The following PRKDC variants were observed in gnomAD, a reference collection of about 807,000 sequenced individuals.
The protein encoded by PRKDC is DNA-dependent protein kinase catalytic subunit.
In PRKDC, 82 loss-of-function variants were observed where a neutral mutation model predicts 486.9. The observed-to-expected ratio is 0.17, with a 90% CI of 0.14 to 0.20. The LOEUF (loss-of-function observed/expected upper bound fraction) is 0.20. Among genes scored for constraint, PRKDC ranks in the 10% least tolerant of loss-of-function variants. PRKDC has a pLI of 1.00. For synonymous variants in PRKDC, 1,895 were observed against 1,837.0 expected (o/e 1.03, Z -0.81); for missense variants, 4,504 against 5,038.2 (o/e 0.89, Z 3.21).
Position 47,854,156 on chromosome 8 carries a change from T to C in PRKDC, c.6820A>G (p.Ile2274Val). ...GCCATCACGATGCCTAGCAATTGAA[T>C]CCCTACTGAGTTGTCTTTAGAATTA... The part of the protein sequence containing the change: ...DPNSKDNSVG[I>V]QLLGIVMAND... Residue 2274 changes from isoleucine to valine, a missense_variant, in exon 51 of 86, where the codon ATT becomes GTT. Ile to Val is a conservative substitution (Grantham distance 29, BLOSUM62 3). Coordinates refer to ENST00000314191, the MANE Select transcript of PRKDC (RefSeq NM_006904.7). The C allele has an allele frequency of 1.2e-6, 2 of 1,613,726 alleles. No individual in the cohort carries two copies. Among genetic ancestry groups the C allele is most frequent in the Non-Finnish European group, 1.7e-6 (2 of 1,179,614 alleles).
intron 1 of PRKDC, among the ~76,000 whole-genome samples, chr8:47,958,160 A>G (rs1048006333): frequency 6.6e-6 from 1 of 152,204 alleles, no homozygotes; most frequent in African/African-American, 2.4e-5. Flanking sequence ...GAAGTTGGGA[A>G]AGCGGGAGAT....
intron 76 of PRKDC, among the ~76,000 whole-genome samples, chr8:47,787,434 C>T (rs978799798): frequency 1.3e-5 from 2 of 152,256 alleles, no homozygotes; most frequent in African/African-American, 4.8e-5. Flanking sequence ...ATCTGAAAGA[C>T]ATAATGCCCT....
intron 54 of PRKDC, among the ~76,000 whole-genome samples, chr8:47,842,222 C>T (rs1322629850): frequency 1.3e-5 from 2 of 152,134 alleles, no homozygotes; most frequent in Non-Finnish European, 2.9e-5. Flanking sequence ...AGGGGCTCCT[C>T]TAAGGCCTGG....
chr8:47,940,300 T>C (rs964756801), intron 10 of PRKDC, among the ~76,000 whole-genome samples: 1 of 152,226 alleles, frequency 6.6e-6, no homozygotes, highest in Non-Finnish European at 1.5e-5. Flanking sequence ...AATAGATCAT[T>C]ATTTACCAAA....
intron 71 of PRKDC, 124 bp from the exon 72 acceptor site, chr8:47,799,514 G>C: frequency 1.0e-6 from 1 of 997,860 alleles, no homozygotes; most frequent in Non-Finnish European, 1.4e-6. Flanking sequence ...TGAAGCTATG[G>C]AACTGGAAAA....
chr8:47,920,185 C>G (rs1012279756), intron 21 of PRKDC, among the ~76,000 whole-genome samples: 1 of 152,186 alleles, frequency 6.6e-6, no homozygotes, highest in Admixed American at 6.5e-5. Flanking sequence ...GCTCTCAGCT[C>G]TGAAGGCTGT....
At chr8:47,815,535 T>G (rs1279366835) in intron 68 of PRKDC, among the ~76,000 whole-genome samples, 1 of 152,222 alleles carries the variant, frequency 6.6e-6, no homozygotes, top group Non-Finnish European at 1.5e-5. Flanking sequence ...GGGAGCCTGT[T>G]GGCCAAATCT....
chr8:47,789,019 C>G lies in PRKDC; in HGVS notation c.10789G>C (p.Ala3597Pro). The part of the protein sequence containing the change: ...DWSNDVRAEL[A>P]KTPVNKKNIE... The stretch of plus-strand genomic sequence containing the variant: ...TTTTTTTTATTTACAGGGGTTTTTG[C>G]TAGTTCAGCTCTTACATCATTGCTC... The change falls in exon 76 of 86, where the codon GCA (alanine) becomes CCA (proline). Residue 3597 changes from alanine (A) to proline (P), a missense_variant. Around this residue, in one of 6 missense-constraint regions of PRKDC, gnomAD observed 706 missense variants for 945.0 expected, o/e 0.75. Coordinates refer to ENST00000314191, the MANE Select transcript of PRKDC (RefSeq NM_006904.7). 2 of 1,612,270 alleles carry G rather than the reference C, an allele frequency of 1.2e-6. No homozygotes were observed. The highest frequency in any genetic ancestry group is 1.7e-6 in the Non-Finnish European group (2 of 1,179,204).
chr8:47,857,997 C>T (rs957895279), intron 48 of PRKDC, among the ~76,000 whole-genome samples: 3 of 152,172 alleles, frequency 2.0e-5, no homozygotes, highest in Non-Finnish European at 4.4e-5. Flanking sequence ...CTGCTTGGCT[C>T]ACCCAGGGAC....
chr8:47,775,333 T>G (rs761869438), intron 85 of PRKDC, among the ~76,000 whole-genome samples: 2 of 151,564 alleles, frequency 1.3e-5, no homozygotes, highest in African/African-American at 4.9e-5. Flanking sequence ...TATATTTTCA[T>G]TAAAGAAATG....
intron 51 of PRKDC, among the ~76,000 whole-genome samples, chr8:47,853,748 C>A (rs2088470111): frequency 6.6e-6 from 1 of 152,214 alleles, no homozygotes; most frequent in South Asian, 2.1e-4. Context: ...GAAAAAATCA[C>A]ACTGTTTTAA....
intron 66 of PRKDC, 81 bp downstream of exon 66, chr8:47,820,638 G>A (rs2087568722): frequency 1.2e-6 from 1 of 849,806 alleles, no homozygotes; most frequent in South Asian, 5.9e-5. Context: ...CCTAAAAATA[G>A]TATATTTCAG....
chr8:47,874,231 G>A (rs1250535550), intron 40 of PRKDC, among the ~76,000 whole-genome samples: 2 of 151,966 alleles, frequency 1.3e-5, no homozygotes, highest in Non-Finnish European at 2.9e-5. Flanking sequence ...TTACAGGCAT[G>A]AGCCACTGCG....
rs1244006902 is a variant in PRKDC, at chr8:47,782,822, T to C, written c.11176-224A>G. On this transcript the variant is annotated intron_variant, in intron 78 of 85. Transcript: ENST00000314191. This position sits in a 1 kb window ranked among gnomAD's most constrained non-coding sequence, Gnocchi z 4.9. ...CTGATTATAAATACTTGCTTATGAA[T>C]GTGGATATCTTTAGCAAGCAGCAAC... 2 of 580,402 alleles carry C rather than the reference T, an allele frequency of 3.4e-6. No individual in the cohort carries two copies. The highest frequency in any genetic ancestry group is 3.0e-5 in the Admixed American group (1 of 33,290). 36.0% of individuals were successfully genotyped at this position (580,402 alleles called of 1,614,324 possible). A position where few individuals can be genotyped will look rare whatever the true frequency, so the allele number is the denominator to read the frequency against.
Position 47,888,626 on chromosome 8 carries a change from G to A in PRKDC, c.4305C>T (p.Asn1435=). ...AQSIEELCAV[N]LYGPDAQVDR... ...CCACTTGCGCGTCAGGGCCATACAA[G>A]TTGACGGCACAAAGCTCCTCAATGC... The change falls in exon 34 of 86, where the codon AAC becomes AAT. Residue 1435 remains asparagine, a synonymous_variant. Transcript: ENST00000314191. The A allele has an allele frequency of 1.3e-6, 2 of 1,594,206 alleles. No homozygotes were observed. The highest frequency in any genetic ancestry group is 1.7e-6 in the Non-Finnish European group (2 of 1,170,432).
At position 47,955,856 on chromosome 8, in the gene PRKDC, A is replaced by G. The variant is rs757522117; in HGVS notation, c.399+18T>C. 3 of 1,537,956 alleles carry G rather than the reference A, an allele frequency of 2.0e-6. No homozygotes were observed. The highest frequency in any genetic ancestry group is 2.7e-6 in the Non-Finnish European group (3 of 1,126,080). Reference sequence around the variant, plus strand: ...TACATGTTTAATGTAAAATACGTGTACTTAGAAACATAATTACCTTAATAA... The same window carrying G: ...TACATGTTTAATGTAAAATACGTGTGCTTAGAAACATAATTACCTTAATAA... On this transcript the variant is annotated intron_variant, in intron 4 of 85. Transcript: ENST00000314191.
At chr8:47,900,324 G>A (rs2089656219) in intron 28 of PRKDC, 49 bp downstream of exon 28, 2 of 1,369,798 alleles carry the variant, frequency 1.5e-6, no homozygotes, top group South Asian at 1.6e-5. Flanking sequence ...CCTCATTGGG[G>A]AAACTCTTCA....
At chr8:47,912,602 C>T (rs369643345) in intron 24 of PRKDC, 40 bp from the exon 25 acceptor site, 36 of 1,514,212 alleles carry the variant, frequency 2.4e-5, no homozygotes, top group East Asian at 4.9e-5. Context: ...TAAGTTATCA[C>T]GTTGATGACA....
In PRKDC at chr8:47,888,549, G is replaced by C; in HGVS notation, c.4382C>G (p.Ala1461Gly). The part of the protein sequence containing the change: ...VVSACKQLHR[A>G]GLLHNILPSQ... ...CGGTAATATATTATGCAGAAGCCCA[G>C]CTCTGTGAAGCTGTTTACAGGCAGA... The change falls in exon 34 of 86, where the codon GCT becomes GGT. Residue 1461 changes from alanine (A) to glycine (G), a missense_variant. Coordinates refer to ENST00000314191, the MANE Select transcript of PRKDC (RefSeq NM_006904.7). 1 of 1,577,734 alleles carries C rather than the reference G, an allele frequency of 6.3e-7. No individual in the cohort carries two copies. The highest frequency in any genetic ancestry group is 2.3e-5 in the East Asian group (1 of 43,188).
Sources: allele counts gnomAD v4.1 joint callset (sites outside exome capture counted in the v4.1 genomes callset), GRCh38; gene constraint gnomAD v4.1.1; regional missense constraint gnomAD v4.1.1; non-coding constraint Gnocchi (gnomAD v3.1); transcripts MANE v1.5; gene names NCBI Gene and HGNC (gene_info 2026-07-23, HGNC 2026-07-21).